Variants in C12orf42 observed in about 807,000 individuals in gnomAD.
C12orf42 encodes uncharacterized protein C12orf42.
A neutral mutation model predicts 21.6 loss-of-function variants in C12orf42; 25 were observed. The observed-to-expected ratio is 1.16, with a 90% CI of 0.84 to 1.62. The LOEUF (loss-of-function observed/expected upper bound fraction) is 1.62. C12orf42 is among the 40% of genes most tolerant of loss of function. C12orf42 has a pLI of 0.00. For missense variants in C12orf42, 483 were observed against 459.3 expected, an observed-to-expected ratio of 1.05 and a Z score of -0.47; for synonymous variants, 174 against 175.0, an observed-to-expected ratio of 0.99 and a Z score of 0.05.
chr12:103,388,312 G>T (rs1420937632), intron 3 of C12orf42, among the ~76,000 whole-genome samples: 2 of 152,060 alleles, frequency 1.3e-5, no homozygotes, highest in Non-Finnish European at 2.9e-5. Context: ...CCTCCAGATG[G>T]GTGGGGTCAG....
chr12:103,422,440 C>T (rs2049990709), intron 2 of C12orf42, among the ~76,000 whole-genome samples: 1 of 152,204 alleles, frequency 6.6e-6, no homozygotes, highest in African/African-American at 2.4e-5. Context: ...ATGGACTAGA[C>T]ACACGCCACA....
At chr12:103,499,339 T>C (rs537880002), upstream of C12orf42, among the ~76,000 whole-genome samples, 29 of 152,374 alleles carry the variant, frequency 1.9e-4, no homozygotes, top group African/African-American at 6.3e-4. Context: ...TGTAGACATA[T>C]ATCAAATCAT....
At chr12:103,191,726 G>C in the C12orf42 span, among the ~76,000 whole-genome samples, 1 of 129,704 alleles carries the variant, frequency 7.7e-6, no homozygotes, top group Non-Finnish European at 1.6e-5. Flanking sequence ...TTGTGCAACA[G>C]AGTGGGACTC....
At chr12:103,308,265 T>C (rs1232316290) in intron 4 of C12orf42, among the ~76,000 whole-genome samples, 4 of 152,204 alleles carry the variant, frequency 2.6e-5, no homozygotes, top group African/African-American at 9.6e-5. Context: ...AAAATACTTA[T>C]TATAGTGCAA....
At chr12:103,209,629 C>G in the C12orf42 span, among the ~76,000 whole-genome samples, 1 of 152,164 alleles carries the variant, frequency 6.6e-6, no homozygotes, top group Non-Finnish European at 1.5e-5. Flanking sequence ...GAATTAGGAC[C>G]GTTTTCAAAG....
intron 1 of C12orf42, among the ~76,000 whole-genome samples, chr12:103,487,976 G>C (rs903015693): frequency 1.3e-5 from 2 of 152,174 alleles, no homozygotes; most frequent in African/African-American, 4.8e-5. Flanking sequence ...ATATTGTTAT[G>C]TGTGAATTTG....
chr12:103,242,142 T>A (rs1160001252), intron 10 of C12orf42, among the ~76,000 whole-genome samples: 1 of 152,156 alleles, frequency 6.6e-6, no homozygotes, highest in Non-Finnish European at 1.5e-5. Context: ...AGAACATGAA[T>A]CTTTTCTTGT....
At chr12:103,239,777 C>G (rs964554207) in intron 10 of C12orf42, among the ~76,000 whole-genome samples, 1 of 152,112 alleles carries the variant, frequency 6.6e-6, no homozygotes, top group African/African-American at 2.4e-5. Context: ...CTCTTTTAAA[C>G]CATGTTGGTC....
chr12:103,265,800 T>C (rs1033396978), downstream of C12orf42, among the ~76,000 whole-genome samples: 1 of 29,256 alleles, frequency 3.4e-5, no homozygotes, highest in Non-Finnish European at 5.7e-5. Context: ...TTTCTTAGGC[T>C]GTTTTGTTTT....
chr12:103,169,604 G>C, the C12orf42 span, among the ~76,000 whole-genome samples: 1 of 152,096 alleles, frequency 6.6e-6, no homozygotes, highest in South Asian at 2.1e-4. Context: ...TAAACACAAT[G>C]CATTACTTTT....
the C12orf42 span, among the ~76,000 whole-genome samples, chr12:103,124,612 C>T: frequency 2.6e-5 from 4 of 152,028 alleles, no homozygotes; most frequent in South Asian, 4.2e-4. Flanking sequence ...TAGCAGGCTG[C>T]CTGGATACAG....
At chr12:103,375,343 T>G (rs2045602850) in intron 3 of C12orf42, among the ~76,000 whole-genome samples, 1 of 152,220 alleles carries the variant, frequency 6.6e-6, no homozygotes, top group Admixed American at 6.5e-5. Context: ...CATTTCAGAA[T>G]AATTTATCAG....
chr12:103,062,626 A>G, the C12orf42 span, among the ~76,000 whole-genome samples: 1 of 151,514 alleles, frequency 6.6e-6, no homozygotes, highest in East Asian at 1.9e-4. Context: ...TTTTGCACCA[A>G]CCTAATATAA....
the C12orf42 span, among the ~76,000 whole-genome samples, chr12:103,216,966 C>A: frequency 6.6e-6 from 1 of 152,042 alleles, no homozygotes; most frequent in African/African-American, 2.4e-5. Context: ...CCTCAGCTTC[C>A]CAAGTAGCTG....
chr12:103,537,120 G>T, the C12orf42 span, among the ~76,000 whole-genome samples: 1 of 148,842 alleles, frequency 6.7e-6, no homozygotes, highest in Non-Finnish European at 1.5e-5. Flanking sequence ...GAATCTGAAG[G>T]GTATGGTATT....
At chr12:103,410,509 A>G (rs1337111296) in intron 2 of C12orf42, among the ~76,000 whole-genome samples, 1 of 152,200 alleles carries the variant, frequency 6.6e-6, no homozygotes, top group Non-Finnish European at 1.5e-5. Flanking sequence ...AGATGCTTCC[A>G]GGTTTCATAA....
the C12orf42 span, among the ~76,000 whole-genome samples, chr12:103,224,369 G>C: frequency 2.6e-5 from 4 of 152,176 alleles, no homozygotes; most frequent in Non-Finnish European, 4.4e-5. Flanking sequence ...CGGGCTAGTG[G>C]CTTGTACTAT....
chr12:103,205,205 T>C, the C12orf42 span, among the ~76,000 whole-genome samples: 1 of 152,214 alleles, frequency 6.6e-6, no homozygotes, highest in African/African-American at 2.4e-5. Context: ...GATGTTATCT[T>C]GGAAAGTTGA....
intron 2 of C12orf42, among the ~76,000 whole-genome samples, chr12:103,408,754 T>C (rs575794118): frequency 3.5e-4 from 54 of 152,326 alleles, no homozygotes; most frequent in African/African-American, 1.2e-3. Context: ...TTCAACAAAC[T>C]GTTCAAAACC....
Sources: gnomAD v4.1 joint callset for allele counts (sites outside exome capture counted in the v4.1 genomes callset) on GRCh38, gnomAD v4.1.1 for gene constraint, MANE v1.5 for transcripts, NCBI Gene and HGNC (gene_info 2026-07-23, HGNC 2026-07-21) for gene names.